Variants in SCFD2 observed in about 807,000 individuals in gnomAD.
SCFD2 encodes the protein sec1 family domain-containing protein 2.
Under a neutral mutation model 58.9 loss-of-function variants are expected in SCFD2, and 54 were observed. The observed-to-expected ratio is 0.92, with a 90% CI of 0.74 to 1.15. The LOEUF (loss-of-function observed/expected upper bound fraction) is 1.15. Among genes scored for constraint, SCFD2 ranks in the 50% most tolerant of loss-of-function variants. The pLI, the probability that SCFD2 is intolerant of heterozygous loss-of-function variation, is 0.00. For synonymous variants in SCFD2, 321 were observed against 335.9 expected, an observed-to-expected ratio of 0.96 and a Z score of 0.49; for missense variants, 805 against 836.6, an observed-to-expected ratio of 0.96 and a Z score of 0.47.
chr4:53,137,068 T>G (rs868404961), intron 5 of SCFD2, among the ~76,000 whole-genome samples: 3 of 152,246 alleles, frequency 2.0e-5, no homozygotes, highest in South Asian at 2.1e-4. Context: ...TCCTACCTAA[T>G]GTACATTTTC....
chr4:53,016,320 GT>G (rs1560510805), intron 5 of SCFD2, among the ~76,000 whole-genome samples: 1 of 152,182 alleles, frequency 6.6e-6, no homozygotes, highest in African/African-American at 2.4e-5. Flanking sequence ...GTAATCTCAT[GT>G]TTGTAATATT....
chr4:53,296,634 C>T (rs1002792373), intron 3 of SCFD2, among the ~76,000 whole-genome samples: 18 of 152,042 alleles, frequency 1.2e-4, no homozygotes, highest in African/African-American at 4.3e-4. Context: ...ATGTCTCTAT[C>T]TCCTTCAGTT....
chr4:53,087,443 C>T (rs1724338930), intron 5 of SCFD2, among the ~76,000 whole-genome samples: 1 of 152,122 alleles, frequency 6.6e-6, no homozygotes, highest in Admixed American at 6.6e-5. Flanking sequence ...AAGTGATTCT[C>T]CTGCCTCAGC....
At chr4:53,308,118 G>A (rs1732573243) in intron 3 of SCFD2, among the ~76,000 whole-genome samples, 1 of 152,164 alleles carries the variant, frequency 6.6e-6, no homozygotes, top group Admixed American at 6.5e-5. Flanking sequence ...CAGCTTTGTG[G>A]TCTCAGTTTT....
chr4:53,143,993 T>C (rs2148911461), intron 5 of SCFD2, among the ~76,000 whole-genome samples: 1 of 152,276 alleles, frequency 6.6e-6, no homozygotes, highest in South Asian at 2.1e-4. Flanking sequence ...CATGAATGCC[T>C]TCATGAGTTA....
intron 1 of SCFD2, among the ~76,000 whole-genome samples, chr4:53,363,643 G>A (rs1464951842): frequency 6.6e-6 from 1 of 151,990 alleles, no homozygotes; most frequent in Non-Finnish European, 1.5e-5. Flanking sequence ...AGACCACGGT[G>A]AAACCCCGTC....
rs1369879881 is a variant in SCFD2 at position 53,214,829 on chromosome 4, A to G, written c.1311+58997T>C. ...TAATCCACCTTGAATTAATTTTTGT[A>G]TAAGATGTAAGGAAGGGATCCAGTT... On this transcript the variant is annotated intron_variant, in intron 4 of 8. Coordinates refer to ENST00000401642, the MANE Select transcript of SCFD2 (RefSeq NM_152540.4). Among the ~76,000 whole-genome samples the G allele has an allele frequency of 1.4e-4, 22 of 152,208 alleles. 1 individual carries two copies. In the South Asian group the frequency reaches 3.9e-3, roughly 27 times the overall value.
chr4:53,159,756 C>T (rs181294706), intron 4 of SCFD2, among the ~76,000 whole-genome samples: 2 of 152,306 alleles, frequency 1.3e-5, no homozygotes, highest in African/African-American at 2.4e-5. Context: ...TCCAGGATGT[C>T]ACCATGCCAT....
chr4:53,301,348 A>G (rs1222995351), intron 3 of SCFD2, among the ~76,000 whole-genome samples: 1 of 152,232 alleles, frequency 6.6e-6, no homozygotes, highest in Non-Finnish European at 1.5e-5. Flanking sequence ...TAGAAAATCT[A>G]GAAGAAATGG....
intron 4 of SCFD2, among the ~76,000 whole-genome samples, chr4:53,257,552 T>C (rs1170740267): frequency 6.6e-6 from 1 of 152,184 alleles, no homozygotes; most frequent in Non-Finnish European, 1.5e-5. Context: ...AAAACTCTTC[T>C]TGATGGAAAT....
intron 7 of SCFD2, among the ~76,000 whole-genome samples, chr4:52,898,515 G>A (rs1007884615): frequency 3.0e-4 from 46 of 152,106 alleles, no homozygotes; most frequent in African/African-American, 6.7e-4. Context: ...GTGGTCTGAG[G>A]GACAGTTTGT....
intron 5 of SCFD2, among the ~76,000 whole-genome samples, chr4:52,995,008 A>G (rs998189956): frequency 1.3e-5 from 2 of 152,202 alleles, no homozygotes; most frequent in African/African-American, 4.8e-5. Flanking sequence ...GTTTTGTGGA[A>G]GACAATTTTT....
chr4:53,160,444 G>A lies in SCFD2; in HGVS notation c.1312-14862C>T, dbSNP rs537035151. 2.9e-4 allele frequency among the ~76,000 whole-genome samples: 44 copies of A among 152,312 alleles called. No homozygotes were observed. In the South Asian group the frequency reaches 8.5e-3, roughly 29 times the overall value. On this transcript the variant is annotated intron_variant, in intron 4 of 8. Coordinates refer to ENST00000401642, the MANE Select transcript of SCFD2 (RefSeq NM_152540.4). The stretch of plus-strand genomic sequence containing the variant: ...AATTTGCAGAGATTTTGAAGTTAAA[G>A]GCAGTGGTTTGTTGCTAGACTGAAT...
At chr4:52,985,910 G>T (rs774353628) in intron 5 of SCFD2, among the ~76,000 whole-genome samples, 2 of 152,066 alleles carry the variant, frequency 1.3e-5, no homozygotes, top group Non-Finnish European at 2.9e-5. Flanking sequence ...GGGTAGATTG[G>T]TGAGGTGCGG....
At chr4:53,296,917 G>A (rs1213795389) in intron 3 of SCFD2, among the ~76,000 whole-genome samples, 1 of 152,152 alleles carries the variant, frequency 6.6e-6, no homozygotes, top group African/African-American at 2.4e-5. Context: ...TTCAGGAGGA[G>A]GTTGTTCAGT....
chr4:52,873,846 C>G lies in SCFD2; in HGVS notation c.*123G>C. On this transcript the variant is annotated 3_prime_UTR_variant, in exon 9 of 9. Transcript: ENST00000401642. ...TGAGTAGGTATCAAGACCCTTCAGG[C>G]AGAATTCCATCATTCTCGCAATTAG... The G allele has an allele frequency of 1.5e-6, 1 of 677,686 alleles. No homozygotes were observed. Among genetic ancestry groups the G allele is most frequent in the Non-Finnish European group, 2.7e-6 (1 of 374,320 alleles). The allele number at this position is 677,686 out of a possible 1,614,324, so 42.0% of individuals were successfully genotyped here.
At position 53,295,498 on chromosome 4, in the gene SCFD2, ACTTTGCTGAAGTTG is replaced by A. The variant is rs1392686629; in HGVS notation, c.1135+18124_1135+18137del. 1.1e-4 allele frequency among the ~76,000 whole-genome samples: 16 copies of A among 152,260 alleles called. No homozygotes were observed. In the East Asian group the frequency reaches 3.1e-3, roughly 29 times the overall value. ...TTGCAGATTGACTTTGTATCGTGAG[ACTTTGCTGAAGTTG>A]CTTATCTGCTTAAGAAGATTTTGGG... On this transcript the variant is annotated intron_variant, in intron 3 of 8. Coordinates refer to ENST00000401642, the MANE Select transcript of SCFD2 (RefSeq NM_152540.4).
chr4:52,903,131 G>A (rs1719259705), intron 7 of SCFD2, among the ~76,000 whole-genome samples: 1 of 152,074 alleles, frequency 6.6e-6, no homozygotes, highest in African/African-American at 2.4e-5. Flanking sequence ...CTTTATTTCT[G>A]TTCTGTTCTC....
chr4:53,346,365 C>A (rs1233965549), intron 2 of SCFD2, among the ~76,000 whole-genome samples: 2 of 150,796 alleles, frequency 1.3e-5, no homozygotes, highest in Non-Finnish European at 2.9e-5. Flanking sequence ...ACCTCTGCCT[C>A]CTGGGTTCAA....
Sources: gnomAD v4.1 joint callset for allele counts (sites outside exome capture counted in the v4.1 genomes callset) on GRCh38, gnomAD v4.1.1 for gene constraint, MANE v1.5 for transcripts, NCBI Gene and HGNC (gene_info 2026-07-23, HGNC 2026-07-21) for gene names.